The following PVT1 variants were observed in gnomAD, a reference collection of about 807,000 sequenced individuals.
PVT1 encodes the protein Pvt1 oncogene, also known as CXCR4/PVT1 fusion.
chr8:127,966,277 A>G (rs1363189274), intron 3 of PVT1, among the ~76,000 whole-genome samples: 1 of 152,200 alleles, frequency 6.6e-6, no homozygotes, highest in Non-Finnish European at 1.5e-5. Context: ...GGAAAGAGTC[A>G]GGGAGAGTAT....
At chr8:127,840,844 T>C (rs1814965173) in intron 2 of PVT1, among the ~76,000 whole-genome samples, 1 of 152,230 alleles carries the variant, frequency 6.6e-6, no homozygotes, top group Admixed American at 6.5e-5. Flanking sequence ...AAGTCTCTTT[T>C]AATGAGCTGG....
chr8:128,040,985 TTGTG>T (rs1236893776), intron 4 of PVT1, among the ~76,000 whole-genome samples: 7 of 150,634 alleles, frequency 4.6e-5, no homozygotes, highest in African/African-American at 1.7e-4. Context: ...TTGTGTGTGC[TTGTG>T]TGTGTTTATG....
At chr8:127,889,042 T>TCCTTCCTC (rs1815564181) in intron 2 of PVT1, among the ~76,000 whole-genome samples, 1 of 50,794 alleles carries the variant, frequency 2.0e-5, no homozygotes, top group East Asian at 3.9e-4. Flanking sequence ...CTTTCTTTCT[T>TCCTTCCTC]CCTTCCTTCC....
At chr8:127,884,794 A>G (rs1394124314) in intron 2 of PVT1, among the ~76,000 whole-genome samples, 3 of 152,246 alleles carry the variant, frequency 2.0e-5, no homozygotes, top group Non-Finnish European at 4.4e-5. Flanking sequence ...CACATTGTGT[A>G]CTTTTGCAGG....
intron 4 of PVT1, among the ~76,000 whole-genome samples, chr8:128,067,547 G>A (rs1813925335): frequency 6.6e-6 from 1 of 152,212 alleles, no homozygotes; most frequent in South Asian, 2.1e-4. Context: ...GGATGTCTTG[G>A]CAGGATGAGA....
At chr8:127,979,872 T>C (rs1435984258) in intron 3 of PVT1, among the ~76,000 whole-genome samples, 1 of 144,802 alleles carries the variant, frequency 6.9e-6, no homozygotes, top group Non-Finnish European at 1.6e-5. Context: ...GCTTTGTTTT[T>C]TTGTTGTGGT....
intron 2 of PVT1, among the ~76,000 whole-genome samples, chr8:127,858,859 G>A (rs1046006608): frequency 1.5e-5 from 2 of 132,304 alleles, no homozygotes; most frequent in African/African-American, 5.9e-5. Context: ...TTAGGCCGGA[G>A]AGCAGTGGTG....
intron 4 of PVT1, among the ~76,000 whole-genome samples, chr8:128,060,802 ACAATTTAC>A (rs1213489702): frequency 2.0e-5 from 3 of 152,186 alleles, no homozygotes; most frequent in African/African-American, 7.2e-5. Context: ...TACATACCGT[ACAATTTAC>A]CAATTTTAGA....
chr8:127,952,545 GC>G, intron 3 of PVT1, among the ~76,000 whole-genome samples: 1 of 152,308 alleles, frequency 6.6e-6, no homozygotes, highest in African/African-American at 2.4e-5. Flanking sequence ...TTGAAGATCT[GC>G]CATTTTTTTC....
At chr8:127,980,740 T>C (rs1816873349) in intron 3 of PVT1, among the ~76,000 whole-genome samples, 1 of 151,554 alleles carries the variant, frequency 6.6e-6, no homozygotes, top group Non-Finnish European at 1.5e-5. Context: ...TCTTTTGAGC[T>C]AAGTGGAAAA....
At chr8:127,978,686 A>G (rs978239530) in intron 3 of PVT1, among the ~76,000 whole-genome samples, 1 of 152,108 alleles carries the variant, frequency 6.6e-6, no homozygotes, top group African/African-American at 2.4e-5. Context: ...AGGTTTCACC[A>G]TATTGTCCAG....
At chr8:128,009,901 A>G (rs1817293663) in intron 4 of PVT1, among the ~76,000 whole-genome samples, 1 of 152,252 alleles carries the variant, frequency 6.6e-6, no homozygotes, top group Non-Finnish European at 1.5e-5. Flanking sequence ...CATAGGAACT[A>G]CATTTGAGTA....
chr8:127,845,983 A>C (rs1040515253), intron 2 of PVT1, among the ~76,000 whole-genome samples: 7 of 152,222 alleles, frequency 4.6e-5, no homozygotes, highest in Non-Finnish European at 4.4e-5. Flanking sequence ...GCGGGGTCCC[A>C]GGAAGGCTGT....
intron 2 of PVT1, among the ~76,000 whole-genome samples, chr8:127,851,564 C>T (rs533086637): frequency 6.6e-6 from 1 of 152,270 alleles, no homozygotes; most frequent in South Asian, 2.1e-4. Context: ...TGCACGGACA[C>T]AGCCATTCTC....
chr8:127,819,283 C>T (rs535610610), intron 2 of PVT1, among the ~76,000 whole-genome samples: 5 of 152,342 alleles, frequency 3.3e-5, no homozygotes, highest in Admixed American at 1.3e-4. Flanking sequence ...CAAAATGAGG[C>T]TAGTCACTTG....
intron 6 of PVT1, among the ~76,000 whole-genome samples, chr8:128,100,246 T>C (rs1300149762): frequency 6.6e-6 from 1 of 151,448 alleles, no homozygotes; most frequent in East Asian, 2.0e-4. Flanking sequence ...TGCACTCATT[T>C]AAATATCATG....
At chr8:127,871,337 G>A (rs1287721953) in intron 2 of PVT1, among the ~76,000 whole-genome samples, 1 of 152,202 alleles carries the variant, frequency 6.6e-6, no homozygotes, top group Admixed American at 6.5e-5. Flanking sequence ...CAGAATAAAT[G>A]TGTTTTTTAC....
chr8:127,850,890 C>T (rs775155750), intron 2 of PVT1, among the ~76,000 whole-genome samples: 9 of 151,976 alleles, frequency 5.9e-5, no homozygotes, highest in Non-Finnish European at 1.3e-4. Context: ...GCCTGTAATT[C>T]CAGCTACTGG....
At chr8:127,812,248 C>CAGGAAGGAAGGAAGGCAGGAAGGA (rs1563611720) in intron 2 of PVT1, among the ~76,000 whole-genome samples, 1 of 112,040 alleles carries the variant, frequency 8.9e-6, no homozygotes, top group East Asian at 2.8e-4. Context: ...GGAAGGAAGG[C>CAGGAAGGAAGGAAGGCAGGAAGGA]AGGAAGGCAG....
Sources: allele counts gnomAD v4.1 joint callset (sites outside exome capture counted in the v4.1 genomes callset), GRCh38; gene constraint gnomAD v4.1.1; transcripts MANE v1.5; gene names NCBI Gene and HGNC (gene_info 2026-07-23, HGNC 2026-07-21).